The following VWC2 variants were observed in gnomAD, a reference collection of about 807,000 sequenced individuals.
The protein encoded by VWC2 is brorin.
VWC2 carries 14 observed loss-of-function variants against 29.8 expected under a neutral mutation model. The observed-to-expected ratio is 0.47, with a 90% CI of 0.31 to 0.74. The LOEUF (loss-of-function observed/expected upper bound fraction) is 0.74. Among genes scored for constraint, VWC2 ranks in the 30% least tolerant of loss-of-function variants. The probability of loss-of-function intolerance (pLI) is 0.05; values close to 1 mark genes in which losing one functional copy is unlikely to be tolerated. For missense variants in VWC2, 457 were observed against 459.8 expected (o/e 0.99, Z 0.05); for synonymous variants, 213 against 199.0 (o/e 1.07, Z -0.59).
At chr7:49,831,853 G>A (rs1789536064) in intron 3 of VWC2, among the ~76,000 whole-genome samples, 1 of 152,202 alleles carries the variant, frequency 6.6e-6, no homozygotes, top group Non-Finnish European at 1.5e-5. Flanking sequence ...AGATCTTTAA[G>A]CAACTCCAGA....
chr7:49,895,417 A>G (rs962050280), intron 3 of VWC2, among the ~76,000 whole-genome samples: 2 of 152,240 alleles, frequency 1.3e-5, no homozygotes, highest in African/African-American at 4.8e-5. Flanking sequence ...ACCAGTGAGC[A>G]GGGTGGACAT....
chr7:49,900,648 G>T (rs956596788), intron 3 of VWC2, among the ~76,000 whole-genome samples: 8 of 151,662 alleles, frequency 5.3e-5, no homozygotes, highest in Non-Finnish European at 3.0e-5. Context: ...ATATAAAAGA[G>T]ATATAATCAA....
intron 3 of VWC2, among the ~76,000 whole-genome samples, chr7:49,907,452 CAGT>C (rs1793167132): frequency 6.6e-6 from 1 of 151,994 alleles, no homozygotes; most frequent in South Asian, 2.1e-4. Flanking sequence ...AATTACATAA[CAGT>C]AGGATAAAAA....
chr7:49,874,551 TG>T (rs1170943785), intron 3 of VWC2, among the ~76,000 whole-genome samples: 1 of 14,576 alleles, frequency 6.9e-5, no homozygotes, highest in Admixed American at 4.7e-4. Flanking sequence ...ACTATATATG[TG>T]TGTGTGTGTG....
At chr7:49,877,481 A>ATAT (rs1554338250) in intron 3 of VWC2, among the ~76,000 whole-genome samples, 1 of 12,730 alleles carries the variant, frequency 7.9e-5, no homozygotes, top group Non-Finnish European at 1.4e-4. Context: ...AAAAAAAAAA[A>ATAT]ATATATATAT....
chr7:49,911,145 C>T (rs868003607), intron 3 of VWC2, among the ~76,000 whole-genome samples: 4 of 151,878 alleles, frequency 2.6e-5, no homozygotes, highest in Admixed American at 1.3e-4. Flanking sequence ...GATTTTAGCC[C>T]CAAAATGGAA....
chr7:49,877,481 A>AAAAATATACATACAT lies in VWC2; in HGVS notation c.827-34552_827-34551insAAATATACATACATA. On this transcript the variant is annotated intron_variant, in intron 3 of 3. Coordinates refer to ENST00000340652, the MANE Select transcript of VWC2 (RefSeq NM_198570.5). ...CTGTCTCAAAAAAAAAAAAAAAAAA[A>AAAAATATACATACAT]ATATATATATATATATATATATATA... Among the ~76,000 whole-genome samples, 2 of 12,722 alleles carry AAAAATATACATACAT rather than the reference A, an allele frequency of 1.6e-4. 1 individual carries two copies. Among genetic ancestry groups the AAAAATATACATACAT allele is most frequent in the African/African-American group, 5.6e-4 (2 of 3,594 alleles). The allele number at this position is 12,722 out of a possible 152,430, so 8.3% of individuals were successfully genotyped here. A position where few individuals can be genotyped will look rare whatever the true frequency, so the allele number is the denominator to read the frequency against.
chr7:49,866,154 C>T (rs543511324), intron 3 of VWC2, among the ~76,000 whole-genome samples: 1 of 152,288 alleles, frequency 6.6e-6, no homozygotes, highest in Non-Finnish European at 1.5e-5. Context: ...CTAAGCCAAA[C>T]AATTCCTTCT....
chr7:49,800,233 G>T (rs1188069197), intron 2 of VWC2, among the ~76,000 whole-genome samples: 1 of 152,128 alleles, frequency 6.6e-6, no homozygotes, highest in Non-Finnish European at 1.5e-5. Flanking sequence ...GCCAAGGTGT[G>T]CACCTTCATG....
intron 2 of VWC2, among the ~76,000 whole-genome samples, chr7:49,789,814 C>T (rs1418010846): frequency 1.3e-5 from 2 of 152,204 alleles, no homozygotes; most frequent in African/African-American, 4.8e-5. Context: ...ATAAATGAGC[C>T]AATTATCTAC....
At chr7:49,813,503 C>T (rs775932335) in intron 3 of VWC2, among the ~76,000 whole-genome samples, 1 of 152,192 alleles carries the variant, frequency 6.6e-6, no homozygotes, top group Non-Finnish European at 1.5e-5. Flanking sequence ...CCACTGCTTT[C>T]GGGCACTCAC....
intron 3 of VWC2, among the ~76,000 whole-genome samples, chr7:49,900,796 T>C (rs2128735564): frequency 6.6e-6 from 1 of 151,870 alleles, no homozygotes; most frequent in African/African-American, 2.4e-5. Flanking sequence ...AAACCAGACA[T>C]AGACACTACA....
At chr7:49,833,792 G>A (rs535034767) in intron 3 of VWC2, among the ~76,000 whole-genome samples, 44 of 152,208 alleles carry the variant, frequency 2.9e-4, no homozygotes, top group African/African-American at 1.1e-3. Context: ...GACAAGAGTT[G>A]ACCCCAAGTT....
At chr7:49,877,171 T>G (rs552494605) in intron 3 of VWC2, among the ~76,000 whole-genome samples, 2 of 151,772 alleles carry the variant, frequency 1.3e-5, no homozygotes, top group South Asian at 4.2e-4. Context: ...CTCAAAAATA[T>G]TTATTTGGGG....
intron 3 of VWC2, among the ~76,000 whole-genome samples, chr7:49,905,756 T>G (rs990606660): frequency 7.9e-5 from 12 of 152,072 alleles, no homozygotes; most frequent in African/African-American, 2.9e-4. Context: ...AGTCACGAGA[T>G]AGGATGTTGG....
chr7:49,782,208 T>C (rs576440430), intron 2 of VWC2, among the ~76,000 whole-genome samples: 1 of 152,314 alleles, frequency 6.6e-6, no homozygotes, highest in Admixed American at 6.5e-5. Flanking sequence ...GGGCATTTGT[T>C]TTCCAGCTGA....
At position 49,886,093 on chromosome 7, in the gene VWC2, G is replaced by A. The variant is rs558482698; in HGVS notation, c.827-25941G>A. Among the ~76,000 whole-genome samples, 3 of 152,230 alleles carry A rather than the reference G, an allele frequency of 2.0e-5. No homozygotes were observed. The East Asian group carries it at 5.8e-4, about 29-fold the overall frequency. On this transcript the variant is annotated intron_variant, in intron 3 of 3. Coordinates refer to ENST00000340652, the MANE Select transcript of VWC2 (RefSeq NM_198570.5). ...TAGGGGAGAGGTCCAGACTGGAGGCGTCACCAGGTGCTGGGCAGTGTCTGA... is the reference window on the plus strand; with the variant it reads ...TAGGGGAGAGGTCCAGACTGGAGGCATCACCAGGTGCTGGGCAGTGTCTGA...
At chr7:49,848,317 A>T (rs146449595) in intron 3 of VWC2, among the ~76,000 whole-genome samples, 196 of 152,284 alleles carry the variant, frequency 1.3e-3, no homozygotes, top group African/African-American at 4.6e-3. Flanking sequence ...TCTTTCCAGG[A>T]TCTTCTCTCT....
intron 3 of VWC2, among the ~76,000 whole-genome samples, chr7:49,828,648 G>T (rs896109183): frequency 1.3e-5 from 2 of 151,942 alleles, no homozygotes; most frequent in African/African-American, 4.8e-5. Flanking sequence ...TATTTACCAT[G>T]TCTTTTATTT....
Sources: allele counts gnomAD v4.1 joint callset (sites outside exome capture counted in the v4.1 genomes callset), GRCh38; gene constraint gnomAD v4.1.1; transcripts MANE v1.5; gene names NCBI Gene and HGNC (gene_info 2026-07-23, HGNC 2026-07-21).